Variants in ABCA12 observed in about 807,000 individuals in gnomAD.
ABCA12 encodes the protein glucosylceramide transporter ABCA12.
Under a neutral mutation model 293.5 loss-of-function variants are expected in ABCA12, and 156 were observed. That is an observed-to-expected ratio of 0.53 (90% confidence interval 0.47 to 0.61). The LOEUF (loss-of-function observed/expected upper bound fraction) is 0.61. Ranked by LOEUF, ABCA12 falls within the 20% of genes least tolerant of loss-of-function variation. ABCA12 has a pLI of 0.00. For missense variants in ABCA12, 2,797 were observed against 3,090.2 expected (o/e 0.91, Z 2.25); for synonymous variants, 1,063 against 1,108.0 (o/e 0.96, Z 0.81).
chr2:215,001,717 C>G lies in ABCA12; in HGVS notation c.2704G>C (p.Glu902Gln). Reference protein sequence around the residue: ...DELDILRLKLENNIDIIDQLN... With the variant: ...DELDILRLKLQNNIDIIDQLN... ...TGATCGATGATGTCAATGTTGTTCT[C>G]TAATTTCAGTCTTAGAATATCTAAA... Residue 902 changes from glutamate to glutamine, a missense_variant, in exon 21 of 53, where the codon GAG (glutamate) becomes CAG (glutamine). By Grantham distance (29) the Glu-to-Gln change is conservative. Around this residue, in one of 3 missense-constraint regions of ABCA12, gnomAD observed 2,130 missense variants for 2,427.0 expected, o/e 0.88. Transcript: ENST00000272895. 6.2e-7 allele frequency: 1 copy of G among 1,613,152 alleles called. No homozygotes were observed. Among genetic ancestry groups the G allele is most frequent in the South Asian group, 1.1e-5 (1 of 91,030 alleles).
rs76277275 is a variant in ABCA12 at position 214,950,287 on chromosome 2, C to A, written c.6852+592G>T. Among the ~76,000 whole-genome samples the A allele has an allele frequency of 6.3e-3, 959 of 151,538 alleles. 1 individual carries two copies. Among genetic ancestry groups the A allele is most frequent in the Non-Finnish European group, 0.011 (763 of 67,920 alleles). On this transcript the variant is annotated intron_variant, in intron 45 of 52. Transcript: ENST00000272895. ...TTGATATCCTTGGGGGTCCTGGAAC[C>A]AATCTCCCATGGATATGGAGGGATG...
intron 2 of ABCA12, among the ~76,000 whole-genome samples, chr2:215,076,484 A>G (rs1368701270): frequency 6.6e-6 from 1 of 152,204 alleles, no homozygotes; most frequent in South Asian, 2.1e-4. Flanking sequence ...TCCGTTTTAC[A>G]TCTATCAGAT....
At chr2:215,065,812 TG>T (rs1240046782) in intron 2 of ABCA12, among the ~76,000 whole-genome samples, 1 of 152,090 alleles carries the variant, frequency 6.6e-6, no homozygotes, top group African/African-American at 2.4e-5. Context: ...ACACTCAGTT[TG>T]GGGTAATTTA....
chr2:215,008,029 T>A (rs1386357810), intron 18 of ABCA12, among the ~76,000 whole-genome samples, 183 bp from the exon 19 acceptor site: 2 of 152,150 alleles, frequency 1.3e-5, no homozygotes, highest in Non-Finnish European at 2.9e-5. Flanking sequence ...TTTCATAGGG[T>A]CAAGTTCATT....
At chr2:215,082,043 C>CTTTTTTT (rs549072917) in intron 2 of ABCA12, among the ~76,000 whole-genome samples, 3 of 113,160 alleles carry the variant, frequency 2.7e-5, no homozygotes, top group East Asian at 2.6e-4. Context: ...ATTGTTAATT[C>CTTTTTTT]TTTTTTTTTT....
At chr2:215,044,676 T>C (rs1212802882) in intron 7 of ABCA12, among the ~76,000 whole-genome samples, 2 of 152,202 alleles carry the variant, frequency 1.3e-5, no homozygotes. Context: ...GGCTTTGCCA[T>C]GTACTAACTG....
intron 48 of ABCA12, among the ~76,000 whole-genome samples, chr2:214,946,432 A>C (rs902855949): frequency 3.3e-5 from 5 of 152,126 alleles, no homozygotes; most frequent in African/African-American, 1.2e-4. Flanking sequence ...AGTACTTTAC[A>C]TTTGTTATTT....
chr2:215,031,987 G>A, intron 8 of ABCA12, 91 bp from the exon 9 acceptor site: 1 of 1,596,002 alleles, frequency 6.3e-7, no homozygotes, highest in African/African-American at 1.3e-5. Context: ...TCAAATTAAT[G>A]AGGAGAAAAT....
chr2:215,111,757 A>T (rs1702575906), intron 1 of ABCA12, 67 bp from the exon 2 acceptor site: 7 of 1,136,662 alleles, frequency 6.2e-6, no homozygotes, highest in Non-Finnish European at 9.3e-6. Context: ...AAACCTGACT[A>T]CAAAAAGTAT....
chr2:215,132,742 T>C (rs1438339041), intron 1 of ABCA12, among the ~76,000 whole-genome samples: 2 of 152,080 alleles, frequency 1.3e-5, no homozygotes, highest in Non-Finnish European at 2.9e-5. Flanking sequence ...TGTTAAAAGT[T>C]AATGTTGATA....
intron 2 of ABCA12, among the ~76,000 whole-genome samples, chr2:215,082,042 TC>T (rs1701952687): frequency 1.2e-5 from 1 of 83,604 alleles, no homozygotes; most frequent in African/African-American, 4.4e-5. Context: ...AATTGTTAAT[TC>T]TTTTTTTTTT....
chr2:215,009,208 G>A (rs910558520), intron 18 of ABCA12, among the ~76,000 whole-genome samples: 1 of 152,064 alleles, frequency 6.6e-6, no homozygotes, highest in African/African-American at 2.4e-5. Flanking sequence ...ATTATCCTTA[G>A]CAAACCAACA....
At chr2:215,090,021 G>A (rs1393882529) in intron 2 of ABCA12, among the ~76,000 whole-genome samples, 2 of 152,078 alleles carry the variant, frequency 1.3e-5, no homozygotes, top group African/African-American at 2.4e-5. Flanking sequence ...AGTGAAAATG[G>A]CCGGTTCCTG....
intron 8 of ABCA12, among the ~76,000 whole-genome samples, chr2:215,033,127 C>G (rs1435540383): frequency 6.6e-6 from 1 of 152,132 alleles, no homozygotes; most frequent in Non-Finnish European, 1.5e-5. Context: ...CACGATGCAG[C>G]TGAATATTAT....
chr2:215,033,174 G>C (rs1417255612), intron 8 of ABCA12, among the ~76,000 whole-genome samples: 3 of 152,162 alleles, frequency 2.0e-5, no homozygotes, highest in African/African-American at 7.2e-5. Context: ...GAGTTAAAGG[G>C]CCAAGAATGA....
rs750074530 is a variant in ABCA12 at position 214,989,570 on chromosome 2, A to G, written c.3676T>C (p.Tyr1226His). Reference protein sequence around the residue: ...FSYASQYIARYEEQGIGLQWE... With the variant: ...FSYASQYIARHEEQGIGLQWE... ...GACCTACCAATGCCCTGTTCTTCGT[A>G]TCGTGCAATGTATTGGCTTGCATAG... Residue 1226 changes from tyrosine to histidine, a missense_variant, in exon 25 of 53, where the codon TAC becomes CAC. Tyr to His is a moderately conservative substitution (Grantham distance 83). This residue lies in a region of ABCA12 where 2,130 missense variants were observed against 2,427.0 expected (regional missense o/e 0.88). Coordinates refer to ENST00000272895, the MANE Select transcript of ABCA12 (RefSeq NM_173076.3). 1 of 1,614,130 alleles carries G rather than the reference A, an allele frequency of 6.2e-7. No individual in the cohort carries two copies. Among genetic ancestry groups the G allele is most frequent in the Non-Finnish European group, 8.5e-7 (1 of 1,180,000 alleles).
At chr2:214,949,815 T>C (rs1387108282) in intron 45 of ABCA12, among the ~76,000 whole-genome samples, 2 of 152,234 alleles carry the variant, frequency 1.3e-5, no homozygotes, top group African/African-American at 4.8e-5. Flanking sequence ...GACCAAAGTC[T>C]ACCCCACAGT....
At chr2:215,101,034 G>C (rs550814515) in intron 2 of ABCA12, among the ~76,000 whole-genome samples, 1 of 152,162 alleles carries the variant, frequency 6.6e-6, no homozygotes, top group African/African-American at 2.4e-5. Context: ...GCTCCTCTTC[G>C]CACCTGTCCT....
At chr2:215,021,759 T>C (rs1232883720) in intron 11 of ABCA12, among the ~76,000 whole-genome samples, 4 of 134,650 alleles carry the variant, frequency 3.0e-5, no homozygotes, top group Non-Finnish European at 6.3e-5. Context: ...CAATGATATG[T>C]CTTTAATGAG....
Sources: allele counts gnomAD v4.1 joint callset (sites outside exome capture counted in the v4.1 genomes callset), GRCh38; gene constraint gnomAD v4.1.1; regional missense constraint gnomAD v4.1.1; transcripts MANE v1.5; gene names NCBI Gene and HGNC (gene_info 2026-07-23, HGNC 2026-07-21).